Variants in PHACTR4 observed in about 807,000 individuals in gnomAD.
PHACTR4 encodes phosphatase and actin regulator 4.
In PHACTR4, 51 loss-of-function variants were observed where a neutral mutation model predicts 72.7. The observed-to-expected ratio is 0.70, with a 90% confidence interval of 0.56 to 0.89. PHACTR4 has a LOEUF of 0.89. Among genes scored for constraint, PHACTR4 ranks in the 40% least tolerant of loss-of-function variants. The pLI, the probability that PHACTR4 is intolerant of heterozygous loss-of-function variation, is 0.00. For synonymous variants in PHACTR4, 255 were observed against 302.5 expected (o/e 0.84, Z 1.63); for missense variants, 731 against 861.8 (o/e 0.85, Z 1.90).
intron 2 of PHACTR4, among the ~76,000 whole-genome samples, chr1:28,457,549 G>T (rs555769120): frequency 6.6e-6 from 1 of 152,204 alleles, no homozygotes; most frequent in East Asian, 1.9e-4. Context: ...GCTGCAGTGA[G>T]CTGTGATTAC....
intron 1 of PHACTR4, among the ~76,000 whole-genome samples, chr1:28,374,773 C>T (rs1273914396): frequency 1.3e-5 from 2 of 152,114 alleles, no homozygotes; most frequent in Non-Finnish European, 2.9e-5. Context: ...TTAGGGTTGG[C>T]TGGGAAGAGG....
rs749444480 is a variant in PHACTR4 at position 28,480,565 on chromosome 1, G to A, written c.1721G>A (p.Trp574Ter). ...TGGCCTTGTAAAAGCAAGGAGGAGT[G>A]GAATGAAATACGGCACCAGATTGGA... ...NSWPCKSKEE[W>*]NEIRHQIGNT... The change falls in exon 9 of 14, where the codon TGG becomes TAG. Residue 574 changes from tryptophan to a stop codon, truncating the protein, a stop_gained. Transcript: ENST00000373839. LOFTEE classifies it high-confidence loss of function. 3 of 1,614,126 alleles carry A rather than the reference G, an allele frequency of 1.9e-6. No homozygotes were observed. Among genetic ancestry groups the A allele is most frequent in the Non-Finnish European group, 2.5e-6 (3 of 1,180,018 alleles).
intron 13 of PHACTR4, among the ~76,000 whole-genome samples, chr1:28,495,526 C>T (rs775962621): frequency 2.6e-5 from 4 of 151,918 alleles, no homozygotes; most frequent in Non-Finnish European, 5.9e-5. Flanking sequence ...AGATATGCAG[C>T]CTAGAATCCA....
intron 1 of PHACTR4, among the ~76,000 whole-genome samples, chr1:28,377,484 C>T (rs1281574927): frequency 6.6e-6 from 1 of 151,808 alleles, no homozygotes; most frequent in Non-Finnish European, 1.5e-5. Context: ...AAGTGATCCG[C>T]CCGCCTCAGC....
At chr1:28,389,766 C>G (rs1052709916) in intron 1 of PHACTR4, among the ~76,000 whole-genome samples, 1 of 152,098 alleles carries the variant, frequency 6.6e-6, no homozygotes, top group Admixed American at 6.6e-5. Context: ...CGTGAGCCAC[C>G]GCGCCTGGCC....
chr1:28,412,228 G>C (rs915622775), intron 2 of PHACTR4, among the ~76,000 whole-genome samples: 2 of 152,094 alleles, frequency 1.3e-5, no homozygotes, highest in African/African-American at 4.8e-5. Flanking sequence ...CTTTATTAGT[G>C]ACAGGCTTAC....
Position 28,404,782 on chromosome 1 carries a change from G to A in PHACTR4, c.-38-2628G>A, listed in dbSNP as rs1165578977. On this transcript the variant is annotated intron_variant, in intron 1 of 13. Coordinates refer to ENST00000373839, the MANE Select transcript of PHACTR4 (RefSeq NM_001048183.3). ...TGTATTTATTTAACTTTTATTTTAC[G>A]TTCAGGTTACACGTACACTTGCAGG... Among the ~76,000 whole-genome samples, 6 of 152,060 alleles carry A rather than the reference G, an allele frequency of 3.9e-5. No individual in the cohort carries two copies. The East Asian group carries it at 5.8e-4, about 15-fold the overall frequency.
chr1:28,457,447 T>G (rs367975925), intron 2 of PHACTR4: 9 of 318,726 alleles, frequency 2.8e-5, no homozygotes, highest in African/African-American at 1.7e-4. Flanking sequence ...CAAAATTGTT[T>G]TTGTAATTAG....
intron 1 of PHACTR4, among the ~76,000 whole-genome samples, chr1:28,398,895 A>G (rs1161908941): frequency 1.3e-5 from 2 of 152,168 alleles, no homozygotes; most frequent in African/African-American, 4.8e-5. Flanking sequence ...GTTTTATCAG[A>G]TCTCAAATAT....
At chr1:28,437,527 G>A (rs1656709200) in intron 2 of PHACTR4, among the ~76,000 whole-genome samples, 1 of 152,202 alleles carries the variant, frequency 6.6e-6, no homozygotes, top group African/African-American at 2.4e-5. Flanking sequence ...ACCAGGCCCA[G>A]CCACAGACAT....
At chr1:28,487,729 T>TTG (rs1557849799) in intron 9 of PHACTR4, among the ~76,000 whole-genome samples, 1 of 105,366 alleles carries the variant, frequency 9.5e-6, no homozygotes, top group African/African-American at 3.9e-5. Context: ...TTTTTGTTGT[T>TTG]TTTTTTTTTT....
chr1:28,394,294 A>G (rs982967452), intron 1 of PHACTR4, among the ~76,000 whole-genome samples: 52 of 150,324 alleles, frequency 3.5e-4, no homozygotes, highest in African/African-American at 1.2e-3. Context: ...GAAGGAAAGG[A>G]GGGAGGGAGG....
intron 8 of PHACTR4, among the ~76,000 whole-genome samples, chr1:28,477,089 T>A (rs1440886098): frequency 7.4e-6 from 1 of 135,696 alleles, no homozygotes; most frequent in African/African-American, 2.8e-5. Flanking sequence ...ATATATATAA[T>A]TTTTTTTTTT....
chr1:28,434,641 T>C (rs367821506), intron 2 of PHACTR4, among the ~76,000 whole-genome samples: 69 of 152,320 alleles, frequency 4.5e-4, no homozygotes, highest in African/African-American at 1.6e-3. Flanking sequence ...TTAAGTTTTA[T>C]TGACACTCTC....
chr1:28,464,768 A>G (rs978623684), intron 4 of PHACTR4, among the ~76,000 whole-genome samples: 1 of 152,000 alleles, frequency 6.6e-6, no homozygotes, highest in Admixed American at 6.6e-5. Context: ...CAATGACACA[A>G]TCTTGGCTTA....
chr1:28,376,310 C>G (rs1375128748), intron 1 of PHACTR4, among the ~76,000 whole-genome samples: 1 of 118,792 alleles, frequency 8.4e-6, no homozygotes, highest in Non-Finnish European at 1.7e-5. Flanking sequence ...GAGACCTTGT[C>G]TCAAAAAAAA....
At chr1:28,451,380 T>C (rs1375256281) in intron 2 of PHACTR4, among the ~76,000 whole-genome samples, 1 of 151,088 alleles carries the variant, frequency 6.6e-6, no homozygotes, top group Non-Finnish European at 1.5e-5. Context: ...CTTGAACTAT[T>C]GTAGCAGGAT....
chr1:28,432,164 G>A (rs545096070), intron 2 of PHACTR4, among the ~76,000 whole-genome samples: 106 of 152,214 alleles, frequency 7.0e-4, no homozygotes, highest in African/African-American at 2.5e-3. Flanking sequence ...AGCCGAGATC[G>A]TGCCACTGCA....
At chr1:28,436,788 T>G (rs1656663388) in intron 2 of PHACTR4, among the ~76,000 whole-genome samples, 1 of 152,150 alleles carries the variant, frequency 6.6e-6, no homozygotes, top group African/African-American at 2.4e-5. Flanking sequence ...TAGTTACGGA[T>G]AAAAAAGGAA....
Sources: gnomAD v4.1 joint callset for allele counts (sites outside exome capture counted in the v4.1 genomes callset) on GRCh38, gnomAD v4.1.1 for gene constraint, MANE v1.5 for transcripts, NCBI Gene and HGNC (gene_info 2026-07-23, HGNC 2026-07-21) for gene names.